Variants in OR6J1 observed in about 807,000 individuals in gnomAD.
OR6J1 encodes olfactory receptor family 6 subfamily J member 1, also known as olfactory receptor 6J1.
For synonymous variants in OR6J1, 109 were observed against 70.0 expected, an observed-to-expected ratio of 1.56 and a Z score of -2.78; for missense variants, 304 against 166.8, an observed-to-expected ratio of 1.82 and a Z score of -4.53.
chr14:22,631,216 T>A lies in OR6J1; in HGVS notation c.*2552A>T, dbSNP rs1042890277. ...GATAACATCTTATCAGGAGACAGGG[T>A]TTTGAGAGCAACCAGTCTGACCAAA... On this transcript the variant is annotated 3_prime_UTR_variant, in exon 2 of 2. Coordinates refer to ENST00000540461, the MANE Select transcript of OR6J1 (RefSeq NM_001348233.2). 1 of 151,966 alleles carries A rather than the reference T, an allele frequency of 6.6e-6. No homozygotes were observed. Among genetic ancestry groups the A allele is most frequent in the African/African-American group, 2.4e-5 (1 of 41,366 alleles). The allele number at this position is 151,966 out of a possible 1,614,324, so 9.4% of individuals were successfully genotyped here.
At chr14:22,636,675 CG>C in intron 1 of OR6J1, among the ~76,000 whole-genome samples, 1 of 117,736 alleles carries the variant, frequency 8.5e-6, no homozygotes, top group Non-Finnish European at 1.7e-5. Flanking sequence ...CTCAGCCTCC[CG>C]GGGTGCCGGG....
chr14:22,632,300 G>A lies in OR6J1; in HGVS notation c.*1468C>T, dbSNP rs113793111. The A allele has an allele frequency of 0.23, 34,971 of 151,530 alleles. 4,353 individuals are homozygous for A. The highest frequency in any genetic ancestry group is 0.32 in the African/African-American group (13,132 of 41,114). The allele number at this position is 151,530 out of a possible 1,614,324, so 9.4% of individuals were successfully genotyped here. A position where few individuals can be genotyped will look rare whatever the true frequency, so the allele number is the denominator to read the frequency against. The stretch of plus-strand genomic sequence containing the variant: ...AACAGATTCTTGGCTGGGCGCAGTG[G>A]CTCATGCCTCTAATCCCAGCACTTT... On this transcript the variant is annotated 3_prime_UTR_variant, in exon 2 of 2. Transcript: ENST00000540461.
At chr14:22,641,292 AAG>A (rs1286589809) in intron 1 of OR6J1, among the ~76,000 whole-genome samples, 2 of 70,410 alleles carry the variant, frequency 2.8e-5, no homozygotes, top group Admixed American at 1.1e-4. Context: ...AAAGAGAAGA[AAG>A]AGAGACAGAG....
Position 22,633,917 on chromosome 14 carries a change from C to T in OR6J1, c.895G>A (p.Val299Ile), listed in dbSNP as rs762828057. 2 of 702,890 alleles carry T rather than the reference C, an allele frequency of 2.8e-6. No individual in the cohort carries two copies. Among genetic ancestry groups the T allele is most frequent in the South Asian group, 1.5e-5 (1 of 67,592 alleles). 43.5% of individuals were successfully genotyped at this position (702,890 alleles called of 1,614,324 possible). A position where few individuals can be genotyped will look rare whatever the true frequency, so the allele number is the denominator to read the frequency against. ...YTLRNDTVQG[V>I]LRDVWVRVRG... The stretch of plus-strand genomic sequence containing the variant: ...ACCCTGACCCACACATCCCTGAGGA[C>T]TCCCTGCACTGTGTCATTCCTCAGA... Residue 299 changes from valine to isoleucine, a missense_variant, in exon 2 of 2, where the codon GTC becomes ATC. Val to Ile is a conservative substitution (Grantham distance 29, BLOSUM62 3). Transcript: ENST00000540461.
rs1412755495 is a variant in OR6J1 at position 22,633,562 on chromosome 14, G to T, written c.*206C>A. 3.6e-6 allele frequency: 2 copies of T among 560,504 alleles called. No individual in the cohort carries two copies. The highest frequency in any genetic ancestry group is 6.3e-6 in the Non-Finnish European group (2 of 318,104). The allele number at this position is 560,504 out of a possible 1,614,324, so 34.7% of individuals were successfully genotyped here. ...TCTTACAATATTCAGTGTGGATGGG[G>T]CTTAGAGATCATCAAGTCCAGCCCT... On this transcript the variant is annotated 3_prime_UTR_variant, in exon 2 of 2. Coordinates refer to ENST00000540461, the MANE Select transcript of OR6J1 (RefSeq NM_001348233.2).
In OR6J1 at chr14:22,638,896, G is replaced by A. The variant is rs28689184; in HGVS notation, c.-27-4058C>T. 2.0e-3 allele frequency among the ~76,000 whole-genome samples: 232 copies of A among 115,092 alleles called. 18 individuals carry two copies. The highest frequency in any genetic ancestry group is 8.5e-3 in the African/African-American group (212 of 24,890). 75.5% of individuals were successfully genotyped at this position (115,092 alleles called of 152,430 possible). On this transcript the variant is annotated intron_variant, in intron 1 of 1. Transcript: ENST00000540461. ...AAGTGAGGAGCGCCTCTTCCCAGCC[G>A]CCATCACATCTAGGAAGTGAGGAGC...
At chr14:22,634,989 A>C (rs901377145) in intron 1 of OR6J1, among the ~76,000 whole-genome samples, 151 bp from the exon 2 acceptor site, 1 of 152,242 alleles carries the variant, frequency 6.6e-6, no homozygotes, top group African/African-American at 2.4e-5. Flanking sequence ...TTTGCCTATC[A>C]AAATGGACAA....
At chr14:22,642,665 C>T (rs548918659) in intron 1 of OR6J1, among the ~76,000 whole-genome samples, 1 of 152,148 alleles carries the variant, frequency 6.6e-6, no homozygotes, top group Non-Finnish European at 1.5e-5. Flanking sequence ...ATGATCCCTC[C>T]TCCATTCCCT....
rs1482914171 is a variant in OR6J1 at position 22,634,034 on chromosome 14, T to A, written c.778A>T (p.Thr260Ser). 2 of 702,376 alleles carry A rather than the reference T, an allele frequency of 2.8e-6. No individual in the cohort carries two copies. Among genetic ancestry groups the A allele is most frequent in the Non-Finnish European group, 5.2e-6 (2 of 384,768 alleles). 43.5% of individuals were successfully genotyped at this position (702,376 alleles called of 1,614,324 possible). Reference sequence around the variant, plus strand: ...TCCAGATATTCTTTCTGGGAGGGAGTCACATAGATAAACACAGTGATGCCA... The same window carrying A: ...TCCAGATATTCTTTCTGGGAGGGAGACACATAGATAAACACAGTGATGCCA... ...SSGITVFIYV[T>S]PSQKEYLEIN... is the part of the protein sequence containing the mutation. Residue 260 changes from threonine (T) to serine (S), a missense_variant, in exon 2 of 2, where the codon ACT becomes TCT. Physicochemically the swap from Thr to Ser is moderately conservative, Grantham distance 58. Transcript: ENST00000540461.
At position 22,633,325 on chromosome 14, in the gene OR6J1, GA is replaced by G. The variant is rs879511076; in HGVS notation, c.*442del. 26 of 151,958 alleles carry G rather than the reference GA, an allele frequency of 1.7e-4. No homozygotes were observed. Among genetic ancestry groups the G allele is most frequent in the African/African-American group, 4.1e-4 (16 of 39,290 alleles). 9.4% of individuals were successfully genotyped at this position (151,958 alleles called of 1,614,324 possible). A position where few individuals can be genotyped will look rare whatever the true frequency, so the allele number is the denominator to read the frequency against. ...CCCAACACAATCATTGCAAATGCCC[GA>G]AAAAAAAATGGATATGATAGTGGAT... On this transcript the variant is annotated 3_prime_UTR_variant, in exon 2 of 2. Transcript: ENST00000540461.
chr14:22,643,504 C>T (rs1253481510), intron 1 of OR6J1, among the ~76,000 whole-genome samples: 1 of 151,556 alleles, frequency 6.6e-6, no homozygotes, highest in Non-Finnish European at 1.5e-5. Flanking sequence ...GCCATATTGC[C>T]CAGGCTGGTC....
chr14:22,632,907 G>A lies in OR6J1; in HGVS notation c.*861C>T, dbSNP rs66934255. 6.6e-6 allele frequency: 1 copy of A among 152,008 alleles called. No individual in the cohort carries two copies. Among genetic ancestry groups the A allele is most frequent in the Non-Finnish European group, 1.5e-5 (1 of 68,014 alleles). The allele number at this position is 152,008 out of a possible 1,614,324, so 9.4% of individuals were successfully genotyped here. A position where few individuals can be genotyped will look rare whatever the true frequency, so the allele number is the denominator to read the frequency against. On this transcript the variant is annotated 3_prime_UTR_variant, in exon 2 of 2. Coordinates refer to ENST00000540461, the MANE Select transcript of OR6J1 (RefSeq NM_001348233.2). ...CTGCATTCTCTCTGAGGGGCAGACT[G>A]GTTTCCTCTAATTATTCATCAGCTT...
At chr14:22,637,048 A>G (rs771337854) in intron 1 of OR6J1, among the ~76,000 whole-genome samples, 2 of 116,400 alleles carry the variant, frequency 1.7e-5, no homozygotes, top group South Asian at 2.4e-4. Flanking sequence ...AGATGTGGGG[A>G]GCACCTCTGC....
At chr14:22,643,764 CAGAGAGAGAG>C (rs1233027589) in intron 1 of OR6J1, among the ~76,000 whole-genome samples, 138 of 37,682 alleles carry the variant, frequency 3.7e-3, no homozygotes, top group African/African-American at 0.011. Flanking sequence ...CACACACACA[CAGAGAGAGAG>C]AGAGAGAGAG....
chr14:22,641,547 GAAGA>G (rs1354319721), intron 1 of OR6J1, among the ~76,000 whole-genome samples: 1 of 135,450 alleles, frequency 7.4e-6, no homozygotes, highest in Admixed American at 7.5e-5. Flanking sequence ...AAGAAGGAAG[GAAGA>G]AATAAAGAAA....
rs536617937 is a variant in OR6J1, at chr14:22,634,382, C to G, written c.430G>C (p.Val144Leu). Residue 144 changes from valine to leucine, a missense_variant, in exon 2 of 2, where the codon GTT (valine) becomes CTT (leucine). Physicochemically the swap from Val to Leu is conservative, Grantham distance 32 (BLOSUM62 1). Coordinates refer to ENST00000540461, the MANE Select transcript of OR6J1 (RefSeq NM_001348233.2). ...AAGCCTCCCACCCAAGAGAATACAA[C>G]GGTCCCAATGCAGACAGAAGGTCTC... ...IMRPSVCIGTVVFSWVGGFLS... is the reference protein window; with the variant it reads ...IMRPSVCIGTLVFSWVGGFLS... 1.4e-6 allele frequency: 1 copy of G among 703,236 alleles called. No homozygotes were observed. The highest frequency in any genetic ancestry group is 1.7e-5 in the African/African-American group (1 of 57,212). 43.6% of individuals were successfully genotyped at this position (703,236 alleles called of 1,614,324 possible).
chr14:22,639,446 G>T (rs1183443850), intron 1 of OR6J1, among the ~76,000 whole-genome samples: 1 of 132,128 alleles, frequency 7.6e-6, no homozygotes, highest in Admixed American at 7.1e-5. Context: ...GGGAAGTGAG[G>T]AGCCCCTCTG....
chr14:22,635,121 A>G (rs920470267), intron 1 of OR6J1, among the ~76,000 whole-genome samples: 1 of 152,254 alleles, frequency 6.6e-6, no homozygotes, highest in African/African-American at 2.4e-5. Flanking sequence ...CTTAAAATTA[A>G]GCAAATTCTT....
At chr14:22,637,013 G>A (rs1217903488) in intron 1 of OR6J1, among the ~76,000 whole-genome samples, 3,625 of 124,458 alleles carry the variant, frequency 0.029, 910 homozygotes, top group African/African-American at 0.15. Flanking sequence ...AGTGAGGAGC[G>A]TCTCTGCCCG....
Sources: allele counts gnomAD v4.1 joint callset (sites outside exome capture counted in the v4.1 genomes callset), GRCh38; gene constraint gnomAD v4.1.1; transcripts MANE v1.5; gene names NCBI Gene and HGNC (gene_info 2026-07-23, HGNC 2026-07-21).